LPA: variants seen among roughly 807,000 people sequenced by gnomAD.
LPA encodes lipoprotein(a).
In LPA, 199 loss-of-function variants were observed where a neutral mutation model predicts 197.9. That is an observed-to-expected ratio of 1.01 (90% CI 0.90 to 1.13). The LOEUF is 1.13. Ranked by LOEUF, LPA falls within the 50% of genes most tolerant of loss-of-function variation. The probability of loss-of-function intolerance (pLI) is 0.00; values close to 1 mark genes in which losing one functional copy is unlikely to be tolerated. For missense variants in LPA, 1,853 were observed against 1,785.8 expected, an observed-to-expected ratio of 1.04 and a Z score of -0.68; for synonymous variants, 715 against 639.5, an observed-to-expected ratio of 1.12 and a Z score of -1.78.
intron 1 of LPA, among the ~76,000 whole-genome samples, chr6:160,654,062 ATATTATATATAATAT>A (rs1562355015): frequency 4.6e-5 from 2 of 43,272 alleles, no homozygotes; most frequent in African/African-American, 2.1e-4. Context: ...TATATTATAT[ATATTATATATAATAT>A]ATATTATATA....
At position 160,589,612 on chromosome 6, in the gene LPA, C is replaced by T. The variant is rs1778985526; in HGVS notation, c.3888G>A (p.Gln1296=). ...AGTGTGGTGTCATAGAGGACCAAGA[C>T]TGACATGTCCTTCCTGTAACAGTGG... The part of the protein sequence containing the change: ...FSTTVTGRTC[Q]SWSSMTPHWH... The change falls in exon 24 of 39, where the codon CAG becomes CAA. Residue 1296 remains glutamine, a synonymous_variant. Transcript: ENST00000316300. 1 of 1,613,958 alleles carries T rather than the reference C, an allele frequency of 6.2e-7. No individual in the cohort carries two copies. Among genetic ancestry groups the T allele is most frequent in the Non-Finnish European group, 8.5e-7 (1 of 1,179,878 alleles).
intron 28 of LPA, among the ~76,000 whole-genome samples, chr6:160,569,528 C>T (rs1778524204): frequency 6.6e-6 from 1 of 151,986 alleles, no homozygotes; most frequent in African/African-American, 2.4e-5. Context: ...CCATATAAAC[C>T]CTAGAAGAAA....
chr6:160,544,142 G>A lies in LPA; in HGVS notation c.5398+1298C>T, dbSNP rs1391827401. Among the ~76,000 whole-genome samples, 10 of 152,238 alleles carry A rather than the reference G, an allele frequency of 6.6e-5. 1 individual carries two copies. The South Asian group carries it at 1.9e-3, about 28-fold the overall frequency. The stretch of plus-strand genomic sequence containing the variant: ...GCACTTCCCTTCCATGGGAGTCAAA[G>A]GTGCATGAGTCCCAGGCACTACTGT... On this transcript the variant is annotated intron_variant, in intron 33 of 38. Coordinates refer to ENST00000316300, the MANE Select transcript of LPA (RefSeq NM_005577.4).
intron 37 of LPA, 31 bp downstream of exon 37, chr6:160,537,823 AT>A: frequency 6.3e-7 from 1 of 1,594,808 alleles, no homozygotes; most frequent in Non-Finnish European, 8.6e-7. Flanking sequence ...GTCAAAAACA[AT>A]TTGTTACGTG....
chr6:160,536,746 A>G (rs1308029805), intron 37 of LPA, among the ~76,000 whole-genome samples: 2 of 152,226 alleles, frequency 1.3e-5, no homozygotes, highest in Admixed American at 6.5e-5. Context: ...ACCTGGCCTC[A>G]GTGCTCCCAG....
intron 26 of LPA, among the ~76,000 whole-genome samples, chr6:160,579,886 G>C (rs1006034090): frequency 3.3e-5 from 5 of 152,316 alleles, no homozygotes; most frequent in African/African-American, 1.2e-4. Flanking sequence ...TTTCAGTTGA[G>C]TATATTTTCA....
chr6:160,585,129 G>T lies in LPA; in HGVS notation c.4206C>A (p.Thr1402=), dbSNP rs751717117. Residue 1402 remains threonine (T), a synonymous_variant, in exon 26 of 39, where the codon ACC becomes ACA. Coordinates refer to ENST00000316300, the MANE Select transcript of LPA (RefSeq NM_005577.4). ...ACTGACATGTTCTTCCTGTGATAGT[G>T]GTGGAGAGTGTGCCTCGATAACTCT... ...DGQSYRGTLS[T]TITGRTCQSW... 1 of 1,613,742 alleles carries T rather than the reference G, an allele frequency of 6.2e-7. No individual in the cohort carries two copies. The highest frequency in any genetic ancestry group is 1.3e-5 in the African/African-American group (1 of 74,884).
chr6:160,565,229 G>A (rs896673225), intron 28 of LPA, among the ~76,000 whole-genome samples: 1 of 152,204 alleles, frequency 6.6e-6, no homozygotes, highest in African/African-American at 2.4e-5. Context: ...GCCTCCTCAA[G>A]TGGGTCCGTG....
intron 20 of LPA, among the ~76,000 whole-genome samples, chr6:160,598,500 C>T (rs1271546365): frequency 2.6e-5 from 4 of 152,198 alleles, no homozygotes; most frequent in Non-Finnish European, 5.9e-5. Flanking sequence ...CATTTTCTCC[C>T]TCTTGCAATA....
rs1299238490 is a variant in LPA at position 160,547,916 on chromosome 6, T to G, written c.5177A>C (p.Lys1726Thr). 1 of 1,614,012 alleles carries G rather than the reference T, an allele frequency of 6.2e-7. No individual in the cohort carries two copies. Among genetic ancestry groups the G allele is most frequent in the Admixed American group, 1.7e-5 (1 of 60,012 alleles). ...GGTTGCCTTCTTGCCCCGGTATCCT[T>G]TCCCATTCCCAAACATACAGTCTGT... ...SEQDCMFGNG[K>T]GYRGKKATTV... Residue 1726 changes from lysine to threonine, a missense_variant, in exon 32 of 39, where the codon AAA (lysine) becomes ACA (threonine). Physicochemically the swap from Lys to Thr is moderately conservative, Grantham distance 78. Around this residue, in one of 3 missense-constraint regions of LPA, gnomAD observed 1,737 missense variants for 1,504.4 expected, o/e 1.15. Transcript: ENST00000316300.
At position 160,532,657 on chromosome 6, in the gene LPA, TAAAA is replaced by T. The variant is rs748878734; in HGVS notation, c.5843-12_5843-9del. 6 of 1,555,948 alleles carry T rather than the reference TAAAA, an allele frequency of 3.9e-6. No homozygotes were observed. The highest frequency in any genetic ancestry group is 5.3e-6 in the Non-Finnish European group (6 of 1,128,194). ...GGCCAGTCCCAAAGGTACCTGTGTT[TAAAA>T]AGATGAAAGAAATGGTTACTGAGGC... On this transcript the variant is annotated splice_polypyrimidine_tract_variant and intron_variant, in intron 37 of 38. Transcript: ENST00000316300.
At chr6:160,653,997 TATATATA>T (rs1780064082) in intron 1 of LPA, among the ~76,000 whole-genome samples, 3 of 10,836 alleles carry the variant, frequency 2.8e-4, no homozygotes, top group Admixed American at 2.0e-3. Context: ...TAATATATAT[TATATATA>T]ATATATATTA....
intron 2 of LPA, among the ~76,000 whole-genome samples, chr6:160,648,419 A>G (rs186198375): frequency 4.1e-4 from 62 of 152,172 alleles, no homozygotes; most frequent in African/African-American, 1.4e-3. Context: ...ATTTTCAGCC[A>G]TCCTTGCTTT....
intron 23 of LPA, among the ~76,000 whole-genome samples, chr6:160,590,219 G>A (rs1778999682): frequency 6.6e-6 from 1 of 152,218 alleles, no homozygotes; most frequent in African/African-American, 2.4e-5. Flanking sequence ...GTCTCTCAGA[G>A]AGGGGTACTG....
chr6:160,556,089 A>G lies in LPA; in HGVS notation c.4909T>C (p.Cys1637Arg). 6.2e-7 allele frequency: 1 copy of G among 1,613,852 alleles called. No homozygotes were observed. Among genetic ancestry groups the G allele is most frequent in the Non-Finnish European group, 8.5e-7 (1 of 1,179,878 alleles). The change falls in exon 30 of 39, where the codon TGT becomes CGT. Residue 1637 changes from cysteine to arginine, a missense_variant. By Grantham distance (180) the Cys-to-Arg change is radical. Transcript: ENST00000316300. ...TFSTTVTGRT[C>R]QSWSSMTPHR... is the part of the protein sequence containing the mutation. ...GGTGTCATGGATGACCAAGATTGAC[A>G]TGTCCTTCCTGTGACAGTGGTGGAG... is the stretch of plus-strand genomic sequence containing the variant.
chr6:160,590,699 G>A (rs1435750944), intron 23 of LPA, among the ~76,000 whole-genome samples: 1 of 152,016 alleles, frequency 6.6e-6, no homozygotes, highest in Admixed American at 6.6e-5. Context: ...AATAACCAGG[G>A]GAGTGGTAAA....
chr6:160,615,394 C>G (rs1160457326), intron 14 of LPA, among the ~76,000 whole-genome samples: 1 of 106,456 alleles, frequency 9.4e-6, no homozygotes, highest in African/African-American at 4.7e-5. Flanking sequence ...GTAGCTCATT[C>G]TGTAGGTTCT....
At chr6:160,544,822 C>T (rs1055858328) in intron 33 of LPA, among the ~76,000 whole-genome samples, 1 of 152,100 alleles carries the variant, frequency 6.6e-6, no homozygotes, top group African/African-American at 2.4e-5. Context: ...ATGTCAATTC[C>T]CCTTCCCCTG....
At chr6:160,579,863 T>A (rs1050399662) in intron 26 of LPA, among the ~76,000 whole-genome samples, 2 of 152,246 alleles carry the variant, frequency 1.3e-5, no homozygotes, top group African/African-American at 4.8e-5. Context: ...CTGAAACAGA[T>A]ACCTGCTCTG....
Sources: gnomAD v4.1 joint callset for allele counts (sites outside exome capture counted in the v4.1 genomes callset) on GRCh38, gnomAD v4.1.1 for gene constraint, gnomAD v4.1.1 regional missense constraint, MANE v1.5 for transcripts, NCBI Gene and HGNC (gene_info 2026-07-23, HGNC 2026-07-21) for gene names.